MAP3K5: variants seen among roughly 807,000 people sequenced by gnomAD.
MAP3K5 encodes mitogen-activated protein kinase kinase kinase 5.
In MAP3K5, 56 loss-of-function variants were observed where a neutral mutation model predicts 158.7. That is an observed-to-expected ratio of 0.35 (90% CI 0.28 to 0.44). The LOEUF (loss-of-function observed/expected upper bound fraction) is 0.44, where lower values mean the gene tolerates loss of function less well. MAP3K5 is among the 20% of genes least tolerant of loss of function. The pLI is 1.00. For missense variants in MAP3K5, 1,294 were observed against 1,674.8 expected (o/e 0.77, Z 3.97); for synonymous variants, 579 against 601.7 (o/e 0.96, Z 0.55).
intron 23 of MAP3K5, among the ~76,000 whole-genome samples, chr6:136,591,539 G>C (rs987300611): frequency 2.6e-5 from 4 of 152,162 alleles, no homozygotes; most frequent in African/African-American, 9.7e-5. Context: ...TAGGAGTTTG[G>C]TCATGTTTTT....
chr6:136,669,101 A>C (rs1374792901), intron 8 of MAP3K5, among the ~76,000 whole-genome samples, 182 bp downstream of exon 8: 1 of 152,216 alleles, frequency 6.6e-6, no homozygotes, highest in African/African-American at 2.4e-5. Flanking sequence ...TTATGTCCTA[A>C]TATCAGGATT....
chr6:136,694,173 G>A lies in MAP3K5; in HGVS notation c.1220C>T (p.Thr407Met), dbSNP rs75070000. 1,904 of 1,613,206 alleles carry A rather than the reference G, an allele frequency of 1.2e-3. 18 individuals carry two copies. In the African/African-American group the frequency reaches 0.023, roughly 19 times the overall value. Reference protein sequence around the residue: ...YKDMFLDSNFTDTESRDHGAS... With the variant: ...YKDMFLDSNFMDTESRDHGAS... ...TCCATGGTCTCTGCTTTCAGTGTCCGTGAAATTAGAGTCCAAAAACATATC... is the reference window on the plus strand; with the variant it reads ...TCCATGGTCTCTGCTTTCAGTGTCCATGAAATTAGAGTCCAAAAACATATC... Residue 407 changes from threonine to methionine, a missense_variant, in exon 7 of 30, where the codon ACG (threonine) becomes ATG (methionine). Coordinates refer to ENST00000359015, the MANE Select transcript of MAP3K5 (RefSeq NM_005923.4).
chr6:136,716,569 C>A (rs1781537480), intron 2 of MAP3K5, among the ~76,000 whole-genome samples: 1 of 152,194 alleles, frequency 6.6e-6, no homozygotes, highest in Non-Finnish European at 1.5e-5. Flanking sequence ...CTACACAAAA[C>A]AGGTTCATTT....
At chr6:136,615,029 T>C (rs1776504244) in intron 15 of MAP3K5, among the ~76,000 whole-genome samples, 1 of 152,190 alleles carries the variant, frequency 6.6e-6, no homozygotes, top group South Asian at 2.1e-4. Context: ...TTATAAAAGT[T>C]ATTTTATATT....
At chr6:136,628,319 C>T (rs1430647007) in intron 14 of MAP3K5, among the ~76,000 whole-genome samples, 3 of 151,934 alleles carry the variant, frequency 2.0e-5, no homozygotes, top group Non-Finnish European at 4.4e-5. Flanking sequence ...TGCTATGTTG[C>T]CCAGGCTGGC....
intron 3 of MAP3K5, among the ~76,000 whole-genome samples, chr6:136,704,485 T>C (rs965272226): frequency 6.6e-6 from 1 of 152,228 alleles, no homozygotes; most frequent in South Asian, 2.1e-4. Context: ...TGTGTGGATA[T>C]AGGCTGCTTT....
intron 9 of MAP3K5, among the ~76,000 whole-genome samples, chr6:136,658,766 A>T (rs1778878481): frequency 6.6e-6 from 1 of 152,258 alleles, no homozygotes; most frequent in African/African-American, 2.4e-5. Flanking sequence ...CAAATGTGTC[A>T]TCAGTCAAAT....
In MAP3K5 at chr6:136,609,011, G is replaced by A. The variant is rs553425027; in HGVS notation, c.2521+2271C>T. Among the ~76,000 whole-genome samples, 8 of 152,338 alleles carry A rather than the reference G, an allele frequency of 5.3e-5. No individual in the cohort carries two copies. Among genetic ancestry groups the A allele is most frequent in the Admixed American group, 3.9e-4 (6 of 15,308 alleles). ...AGATCTATACATGTTAGTGACACAC[G>A]TCACTCTTACGTGACACCAGTGGAA... On this transcript the variant is annotated intron_variant, in intron 18 of 29. Coordinates refer to ENST00000359015, the MANE Select transcript of MAP3K5 (RefSeq NM_005923.4). This position sits in a 1 kb window ranked among gnomAD's most constrained non-coding sequence, Gnocchi z 4.4.
At chr6:136,769,645 G>A (rs1025454389) in intron 1 of MAP3K5, among the ~76,000 whole-genome samples, 33 of 149,828 alleles carry the variant, frequency 2.2e-4, no homozygotes, top group Non-Finnish European at 2.5e-4. Context: ...TATTCAATGG[G>A]CAGGCTCCAT....
intron 9 of MAP3K5, 37 bp downstream of exon 9, chr6:136,659,182 T>C (rs1562587913): frequency 2.6e-6 from 4 of 1,534,662 alleles, no homozygotes; most frequent in Admixed American, 3.5e-5. Context: ...ATGGAGCTGT[T>C]TATTAATTGT....
At chr6:136,754,979 A>G (rs1783409249) in intron 1 of MAP3K5, among the ~76,000 whole-genome samples, 1 of 152,082 alleles carries the variant, frequency 6.6e-6, no homozygotes, top group Admixed American at 6.6e-5. Flanking sequence ...CCACTGAATC[A>G]TGAAGTCCCA....
chr6:136,611,246 T>C (rs1776331892), intron 18 of MAP3K5, 36 bp downstream of exon 18: 1 of 1,299,780 alleles, frequency 7.7e-7, no homozygotes, highest in Non-Finnish European at 1.1e-6. Flanking sequence ...ATTTCTTTAA[T>C]TACATAAGAT....
intron 13 of MAP3K5, among the ~76,000 whole-genome samples, chr6:136,637,829 G>A (rs1259983913): frequency 2.6e-5 from 4 of 152,106 alleles, no homozygotes; most frequent in Non-Finnish European, 5.9e-5. Context: ...CCCACAGGCA[G>A]GTCATGCTAT....
At chr6:136,579,773 G>T in intron 25 of MAP3K5, 3 of 455,116 alleles carry the variant, frequency 6.6e-6, no homozygotes, top group South Asian at 3.1e-5. Flanking sequence ...ACTCAATTTT[G>T]CTGTGAATCT....
At position 136,693,939 on chromosome 6, in the gene MAP3K5, G is replaced by A. The variant is rs146039779; in HGVS notation, c.1253+201C>T. 2.1e-3 allele frequency among the ~76,000 whole-genome samples: 321 copies of A among 152,264 alleles called. 10 individuals are homozygous for A. The East Asian group carries it at 0.036, about 17-fold the overall frequency. On this transcript the variant is annotated intron_variant, in intron 7 of 29. Transcript: ENST00000359015. ...GGAGGCAGAGGTTGCAGTGAGCTAA[G>A]ATCACATGACTGCACTCCAGCCTGG...
At chr6:136,705,754 G>C (rs1781047936) in intron 2 of MAP3K5, among the ~76,000 whole-genome samples, 2 of 152,252 alleles carry the variant, frequency 1.3e-5, no homozygotes, top group South Asian at 4.1e-4. Flanking sequence ...CAGATTACCT[G>C]ATCAGCCACC....
chr6:136,620,595 C>T lies in MAP3K5; in HGVS notation c.2150+2253G>A, dbSNP rs114676347. Reference sequence around the variant, plus strand: ...GTGGCCTATGACCACGGCCACAGAACGTGGAGTCAAGGGCAGCCAGAGTCA... The same window carrying T: ...GTGGCCTATGACCACGGCCACAGAATGTGGAGTCAAGGGCAGCCAGAGTCA... On this transcript the variant is annotated intron_variant, in intron 15 of 29. Coordinates refer to ENST00000359015, the MANE Select transcript of MAP3K5 (RefSeq NM_005923.4). 5.3e-3 allele frequency among the ~76,000 whole-genome samples: 811 copies of T among 152,266 alleles called. 7 individuals carry two copies. Among genetic ancestry groups the T allele is most frequent in the African/African-American group, 0.019 (777 of 41,544 alleles).
At chr6:136,673,009 A>G (rs1272698735) in intron 7 of MAP3K5, among the ~76,000 whole-genome samples, 3 of 151,506 alleles carry the variant, frequency 2.0e-5, no homozygotes, top group African/African-American at 4.8e-5. Flanking sequence ...AAAAAAAGAA[A>G]AAGAAAAAGA....
intron 21 of MAP3K5, among the ~76,000 whole-genome samples, chr6:136,596,596 G>C (rs1775643080): frequency 6.6e-6 from 1 of 152,196 alleles, no homozygotes; most frequent in South Asian, 2.1e-4. Flanking sequence ...GAACTCACTG[G>C]GAGAGGCAGA....
Sources: allele counts gnomAD v4.1 joint callset (sites outside exome capture counted in the v4.1 genomes callset), GRCh38; gene constraint gnomAD v4.1.1; non-coding constraint Gnocchi (gnomAD v3.1); transcripts MANE v1.5; gene names NCBI Gene and HGNC (gene_info 2026-07-23, HGNC 2026-07-21).